HACD2: variants seen among roughly 807,000 people sequenced by gnomAD.
HACD2 encodes the protein very-long-chain (3R)-3-hydroxyacyl-CoA dehydratase 2.
HACD2 carries 15 observed loss-of-function variants against 31.0 expected under a neutral mutation model. The ratio of observed to expected loss-of-function variants is 0.48; its 90% CI spans 0.32 to 0.75. The LOEUF (loss-of-function observed/expected upper bound fraction) is 0.75, where lower values mean the gene tolerates loss of function less well. Among genes scored for constraint, HACD2 ranks in the 30% least tolerant of loss-of-function variants. HACD2 has a pLI of 0.03. For missense variants in HACD2, 283 were observed against 313.0 expected, an observed-to-expected ratio of 0.90 and a Z score of 0.72; for synonymous variants, 115 against 122.2, an observed-to-expected ratio of 0.94 and a Z score of 0.39.
chr3:123,566,486 G>A (rs1207711067), intron 3 of HACD2, among the ~76,000 whole-genome samples: 2 of 151,858 alleles, frequency 1.3e-5, no homozygotes, highest in Non-Finnish European at 2.9e-5. Flanking sequence ...GTCTCCCTGT[G>A]TTGCCCAGGC....
intron 3 of HACD2, among the ~76,000 whole-genome samples, chr3:123,551,981 C>T (rs981112951): frequency 6.6e-6 from 1 of 152,156 alleles, no homozygotes; most frequent in African/African-American, 2.4e-5. Context: ...AGACTCAATA[C>T]ACCTGTAAGT....
chr3:123,558,931 T>C (rs1214337096), intron 3 of HACD2, among the ~76,000 whole-genome samples: 1 of 152,218 alleles, frequency 6.6e-6, no homozygotes, highest in Non-Finnish European at 1.5e-5. Flanking sequence ...AAAGAACTGC[T>C]GAAATATGGC....
intron 3 of HACD2, among the ~76,000 whole-genome samples, chr3:123,541,963 C>T (rs367773300): frequency 4.1e-4 from 62 of 151,274 alleles, no homozygotes; most frequent in Non-Finnish European, 7.8e-4. Context: ...CCGGCTAAAA[C>T]GGTGAAACCC....
intron 3 of HACD2, among the ~76,000 whole-genome samples, chr3:123,544,766 TA>T (rs140762282): frequency 0.025 from 3,744 of 152,274 alleles, 66 homozygotes; most frequent in Middle Eastern, 0.088. Flanking sequence ...TGTTCACAAA[TA>T]ATTCCAAATA....
intron 3 of HACD2, among the ~76,000 whole-genome samples, chr3:123,550,520 G>C (rs1419250446): frequency 6.6e-6 from 1 of 152,186 alleles, no homozygotes; most frequent in African/African-American, 2.4e-5. Flanking sequence ...GCAGAGAAAT[G>C]ATGTTCCCTG....
chr3:123,508,498 T>C (rs2056007092), intron 4 of HACD2, among the ~76,000 whole-genome samples: 1 of 152,232 alleles, frequency 6.6e-6, no homozygotes, highest in Non-Finnish European at 1.5e-5. Context: ...CATGAAAAGC[T>C]GTCATTTTTA....
chr3:123,494,082 A>T lies in HACD2; in HGVS notation c.*806T>A, dbSNP rs2055802038. 6.6e-6 allele frequency: 1 copy of T among 152,198 alleles called. No homozygotes were observed. Among genetic ancestry groups the T allele is most frequent in the Admixed American group, 6.5e-5 (1 of 15,274 alleles). 9.4% of individuals were successfully genotyped at this position (152,198 alleles called of 1,614,324 possible). A position where few individuals can be genotyped will look rare whatever the true frequency, so the allele number is the denominator to read the frequency against. On this transcript the variant is annotated 3_prime_UTR_variant, in exon 7 of 7. Transcript: ENST00000383657. ...AAACACGTTACTCAGAGGTGTTCTG[A>T]GAATGGTGCTGTGAAAAGGACTTGT... is the stretch of plus-strand genomic sequence containing the variant.
intron 4 of HACD2, among the ~76,000 whole-genome samples, chr3:123,510,769 G>A (rs1238253946): frequency 6.6e-6 from 1 of 151,948 alleles, no homozygotes; most frequent in Non-Finnish European, 1.5e-5. Context: ...AGTTCTTTTG[G>A]GTATATTCTT....
At chr3:123,511,390 A>G (rs2056061517) in intron 4 of HACD2, among the ~76,000 whole-genome samples, 1 of 152,142 alleles carries the variant, frequency 6.6e-6, no homozygotes, top group African/African-American at 2.4e-5. Context: ...TTATGGGGTA[A>G]CAATTATCTT....
chr3:123,505,821 A>G (rs1469942536), intron 4 of HACD2, among the ~76,000 whole-genome samples: 1 of 152,274 alleles, frequency 6.6e-6, no homozygotes, highest in Non-Finnish European at 1.5e-5. Context: ...GCATATGGAC[A>G]TGAGACTAGT....
intron 4 of HACD2, among the ~76,000 whole-genome samples, chr3:123,511,449 G>A (rs909359985): frequency 6.6e-6 from 1 of 152,120 alleles, no homozygotes; most frequent in African/African-American, 2.4e-5. Flanking sequence ...AGAGCCTAGA[G>A]AACAGATAAG....
intron 4 of HACD2, among the ~76,000 whole-genome samples, chr3:123,506,806 C>T (rs2055981241): frequency 6.6e-6 from 1 of 152,082 alleles, no homozygotes; most frequent in Non-Finnish European, 1.5e-5. Context: ...CTGTTAAGTG[C>T]CAGTGACTCA....
chr3:123,502,417 T>A, intron 5 of HACD2, 143 bp downstream of exon 5: 2 of 756,472 alleles, frequency 2.6e-6, no homozygotes, highest in Non-Finnish European at 4.2e-6. Context: ...AGACTCCTAT[T>A]CTGATGAAAT....
At chr3:123,562,303 C>A (rs112768866) in intron 3 of HACD2, among the ~76,000 whole-genome samples, 38 of 152,232 alleles carry the variant, frequency 2.5e-4, no homozygotes, top group African/African-American at 8.9e-4. Flanking sequence ...AAATGAGCCC[C>A]TCCATGGATT....
At chr3:123,510,089 C>T (rs2056037465) in intron 4 of HACD2, among the ~76,000 whole-genome samples, 1 of 152,146 alleles carries the variant, frequency 6.6e-6, no homozygotes, top group Non-Finnish European at 1.5e-5. Context: ...TACCACTATC[C>T]ATTTCCAGAA....
intron 2 of HACD2, among the ~76,000 whole-genome samples, chr3:123,574,374 T>TA (rs1284793945): frequency 6.6e-6 from 1 of 152,242 alleles, no homozygotes; most frequent in Non-Finnish European, 1.5e-5. Context: ...AACAGATTGT[T>TA]AGACTTTAGT....
chr3:123,507,790 T>C (rs1367322475), intron 4 of HACD2, among the ~76,000 whole-genome samples: 1 of 152,192 alleles, frequency 6.6e-6, no homozygotes, highest in Non-Finnish European at 1.5e-5. Flanking sequence ...GATGGAAATG[T>C]TCTAAAGTTA....
rs571722959 is a variant in HACD2, at chr3:123,561,525, C to G, written c.292+6237G>C. 2.8e-4 allele frequency among the ~76,000 whole-genome samples: 43 copies of G among 151,384 alleles called. 1 individual carries two copies. The South Asian group carries it at 7.1e-3, about 25-fold the overall frequency. On this transcript the variant is annotated intron_variant, in intron 3 of 6. Transcript: ENST00000383657. ...CTAGAGTTGGTAGTACAATTTCTGA[C>G]ATGAAAGTTCACTAAATGCACAGTG...
chr3:123,510,367 C>A (rs2056042668), intron 4 of HACD2, among the ~76,000 whole-genome samples: 1 of 152,214 alleles, frequency 6.6e-6, no homozygotes, highest in Non-Finnish European at 1.5e-5. Context: ...CCTGCCTCAG[C>A]CTCCCGAGTA....
Sources: gnomAD v4.1 joint callset for allele counts (sites outside exome capture counted in the v4.1 genomes callset) on GRCh38, gnomAD v4.1.1 for gene constraint, MANE v1.5 for transcripts, NCBI Gene and HGNC (gene_info 2026-07-23, HGNC 2026-07-21) for gene names.